The following LARP1B variants were observed in gnomAD, a reference collection of about 807,000 sequenced individuals.
The protein encoded by LARP1B is La ribonucleoprotein 1B.
LARP1B carries 76 observed loss-of-function variants against 114.2 expected under a neutral mutation model. The observed-to-expected ratio is 0.67, with a 90% CI of 0.55 to 0.81. The LOEUF (loss-of-function observed/expected upper bound fraction) is 0.81. Among genes scored for constraint, LARP1B ranks in the 30% least tolerant of loss-of-function variants. The pLI, the probability that LARP1B is intolerant of heterozygous loss-of-function variation, is 0.00. For synonymous variants in LARP1B, 345 were observed against 348.0 expected (o/e 0.99, Z 0.10); for missense variants, 1,014 against 1,075.8 (o/e 0.94, Z 0.80).
At chr4:128,069,681 G>T in intron 1 of LARP1B, 1 of 455,006 alleles carries the variant, frequency 2.2e-6, no homozygotes, top group Non-Finnish European at 4.0e-6. Flanking sequence ...CACAATATGG[G>T]TTTATTAATC....
chr4:128,156,359 A>G (rs1735668328), intron 11 of LARP1B, among the ~76,000 whole-genome samples: 1 of 152,172 alleles, frequency 6.6e-6, no homozygotes, highest in African/African-American at 2.4e-5. Flanking sequence ...GCTTCACAGT[A>G]GAGCCAGCTT....
At chr4:128,133,372 A>G (rs1034487685) in intron 11 of LARP1B, among the ~76,000 whole-genome samples, 2 of 152,250 alleles carry the variant, frequency 1.3e-5, no homozygotes, top group African/African-American at 2.4e-5. Flanking sequence ...CAACAAATAA[A>G]TGGAAAGTCA....
At position 128,152,367 on chromosome 4, in the gene LARP1B, C is replaced by A. The variant is rs570284322; in HGVS notation, c.1525-9827C>A. Among the ~76,000 whole-genome samples, 8 of 151,870 alleles carry A rather than the reference C, an allele frequency of 5.3e-5. No homozygotes were observed. In the East Asian group the frequency reaches 9.7e-4, roughly 18 times the overall value. On this transcript the variant is annotated intron_variant, in intron 11 of 19. Transcript: ENST00000326639. ...TACAGGCGCATACCACCACGCCCAG[C>A]TAATTTTTGTATTTTCAGTAGAGAC...
intron 9 of LARP1B, chr4:128,108,858 A>C (rs1050868533): frequency 2.0e-6 from 2 of 979,010 alleles, no homozygotes; most frequent in African/African-American, 1.7e-5. Context: ...ATGCCTGTCC[A>C]TTAACCATTT....
At chr4:128,190,008 T>C (rs1325883458) in intron 15 of LARP1B, among the ~76,000 whole-genome samples, 1 of 152,246 alleles carries the variant, frequency 6.6e-6, no homozygotes, top group African/African-American at 2.4e-5. Context: ...TTGTCTACTT[T>C]TACCAGTGAG....
At chr4:128,099,610 T>C (rs1006303545) in intron 8 of LARP1B, among the ~76,000 whole-genome samples, 1 of 152,182 alleles carries the variant, frequency 6.6e-6, no homozygotes, top group Non-Finnish European at 1.5e-5. Flanking sequence ...TTCCATGGTA[T>C]GGATATACCA....
At chr4:128,102,430 T>C (rs1392146843) in intron 8 of LARP1B, among the ~76,000 whole-genome samples, 1 of 152,232 alleles carries the variant, frequency 6.6e-6, no homozygotes, top group East Asian at 1.9e-4. Context: ...TCTTAAACGA[T>C]GTCGTTCTGT....
At chr4:128,182,852 T>A (rs748827173) in intron 15 of LARP1B, among the ~76,000 whole-genome samples, 1 of 152,176 alleles carries the variant, frequency 6.6e-6, no homozygotes, top group Non-Finnish European at 1.5e-5. Context: ...TGAAACAGTT[T>A]TATTGATGAT....
intron 10 of LARP1B, among the ~76,000 whole-genome samples, chr4:128,120,031 G>A (rs1787356822): frequency 6.6e-6 from 1 of 152,082 alleles, no homozygotes; most frequent in Admixed American, 6.6e-5. Flanking sequence ...TATATCATCA[G>A]TATTTTAAAA....
rs956758635 is a variant in LARP1B at position 128,077,676 on chromosome 4, C to T, written c.43-112C>T. ...AAAAGTAATTTTTTGCCTTTGATAA[C>T]AGTTTTTGTCATTTGTTTTGCAATT... On this transcript the variant is annotated intron_variant, in intron 3 of 19. Transcript: ENST00000326639. 27 of 1,131,888 alleles carry T rather than the reference C, an allele frequency of 2.4e-5. No individual in the cohort carries two copies. In the African/African-American group the frequency reaches 4.3e-4, roughly 18 times the overall value. The allele number at this position is 1,131,888 out of a possible 1,614,324, so 70.1% of individuals were successfully genotyped here.
downstream of LARP1B, among the ~76,000 whole-genome samples, chr4:128,216,915 AAAAG>A (rs1302275157): frequency 2.0e-5 from 3 of 152,212 alleles, no homozygotes; most frequent in Non-Finnish European, 4.4e-5. Context: ...AATAAAGAAA[AAAAG>A]AGAAGAATCA....
At chr4:128,108,005 T>A (rs1210581854) in intron 9 of LARP1B, 2 of 1,527,996 alleles carry the variant, frequency 1.3e-6, no homozygotes, top group Non-Finnish European at 1.7e-6. Flanking sequence ...ATGAAAGCGA[T>A]CAGACTGTCT....
intron 16 of LARP1B, among the ~76,000 whole-genome samples, chr4:128,200,228 A>G (rs1288944482): frequency 2.0e-5 from 3 of 152,204 alleles, no homozygotes; most frequent in Non-Finnish European, 2.9e-5. Context: ...GACCTGTTTC[A>G]TGGAAGACAA....
intron 11 of LARP1B, among the ~76,000 whole-genome samples, chr4:128,158,344 G>A (rs1447071078): frequency 2.6e-5 from 4 of 152,080 alleles, no homozygotes; most frequent in African/African-American, 7.2e-5. Context: ...AGTTCTAAAC[G>A]TGAAACACAA....
chr4:128,128,955 G>A (rs1790550376), intron 11 of LARP1B, among the ~76,000 whole-genome samples: 1 of 151,950 alleles, frequency 6.6e-6, no homozygotes, highest in Non-Finnish European at 1.5e-5. Context: ...ACGAGGTCAG[G>A]AGATCGAGAC....
At chr4:128,129,950 C>T (rs925041515) in intron 11 of LARP1B, among the ~76,000 whole-genome samples, 1 of 152,140 alleles carries the variant, frequency 6.6e-6, no homozygotes, top group Non-Finnish European at 1.5e-5. Context: ...TGACCTTGGG[C>T]TTATCATGAC....
At chr4:128,135,144 A>AATAG (rs1216593362) in intron 11 of LARP1B, among the ~76,000 whole-genome samples, 1 of 148,524 alleles carries the variant, frequency 6.7e-6, no homozygotes, top group Admixed American at 6.8e-5. Flanking sequence ...TAAATAAATA[A>AATAG]AAAGGATAAC....
At chr4:128,120,573 G>A (rs955152147) in intron 10 of LARP1B, among the ~76,000 whole-genome samples, 4 of 150,816 alleles carry the variant, frequency 2.7e-5, no homozygotes, top group Admixed American at 1.3e-4. Flanking sequence ...GGGTTCAAGC[G>A]ATTCTCCTGT....
intron 1 of LARP1B, among the ~76,000 whole-genome samples, chr4:128,062,812 T>TCTCC (rs1760787487): frequency 6.6e-6 from 1 of 151,368 alleles, no homozygotes; most frequent in African/African-American, 2.4e-5. Flanking sequence ...ATACCTAATG[T>TCTCC]TAAATGACGA....
Sources: gnomAD v4.1 joint callset for allele counts (sites outside exome capture counted in the v4.1 genomes callset) on GRCh38, gnomAD v4.1.1 for gene constraint, MANE v1.5 for transcripts, NCBI Gene and HGNC (gene_info 2026-07-23, HGNC 2026-07-21) for gene names.